The following CTSB variants were observed in gnomAD, a reference collection of about 807,000 sequenced individuals.
CTSB encodes cathepsin B, also known as APP secretase.
Under a neutral mutation model 44.3 loss-of-function variants are expected in CTSB, and 57 were observed. That is an observed-to-expected ratio of 1.29 (90% CI 1.04 to 1.60). The LOEUF (loss-of-function observed/expected upper bound fraction) is 1.60, where lower values mean the gene tolerates loss of function less well. CTSB is among the 40% of genes most tolerant of loss of function. CTSB has a pLI of 0.00. For synonymous variants in CTSB, 320 were observed against 168.0 expected, an observed-to-expected ratio of 1.91 and a Z score of -7.00; for missense variants, 768 against 443.0, an observed-to-expected ratio of 1.73 and a Z score of -6.59.
intron 1 of CTSB, among the ~76,000 whole-genome samples, chr8:11,859,869 T>A (rs1586180989): frequency 6.7e-6 from 1 of 149,816 alleles, no homozygotes; most frequent in Admixed American, 6.7e-5. Context: ...GGTCAGGAGT[T>A]CAAGACCAGC....
At chr8:11,865,226 TA>T (rs1352790746) in intron 1 of CTSB, among the ~76,000 whole-genome samples, 1 of 152,120 alleles carries the variant, frequency 6.6e-6, no homozygotes, top group Non-Finnish European at 1.5e-5. Flanking sequence ...ATGTTTCCAA[TA>T]ATTTCCTTAG....
intron 5 of CTSB, chr8:11,848,834 C>T: frequency 4.1e-6 from 2 of 490,590 alleles, no homozygotes; most frequent in Non-Finnish European, 7.5e-6. Flanking sequence ...GGGATGCCAC[C>T]CCTCAGACAG....
intron 7 of CTSB, 95 bp downstream of exon 7, chr8:11,847,584 G>T (rs763347069): frequency 9.6e-5 from 131 of 1,368,148 alleles, no homozygotes; most frequent in Non-Finnish European, 1.2e-4. Flanking sequence ...GGACCCCAAG[G>T]CTCCTCAGCC....
At chr8:11,848,267 A>G in intron 5 of CTSB, 115 bp from the exon 6 acceptor site, 1 of 880,430 alleles carries the variant, frequency 1.1e-6, no homozygotes, top group Non-Finnish European at 1.9e-6. Flanking sequence ...AGCTGCAGCA[A>G]GTGGTGCGAG....
intron 8 of CTSB, 136 bp from the exon 9 acceptor site, chr8:11,845,925 T>G: frequency 2.0e-6 from 2 of 1,024,744 alleles, no homozygotes; most frequent in Non-Finnish European, 2.7e-6. Context: ...ACCAGGAGGC[T>G]CCAGGGGGGG....
At chr8:11,850,001 G>C (rs918651574) in intron 4 of CTSB, 7 of 152,372 alleles carry the variant, frequency 4.6e-5, no homozygotes, top group African/African-American at 1.7e-4. Context: ...GGCTTACCAG[G>C]GGCTACAATA....
chr8:11,865,577 G>C (rs148713516), intron 1 of CTSB: 4 of 148,796 alleles, frequency 2.7e-5, no homozygotes, highest in Non-Finnish European at 5.9e-5. Flanking sequence ...GAGAGAGTCA[G>C]ACTCCACCTC....
At chr8:11,859,299 C>CGT (rs1816007390) in intron 1 of CTSB, among the ~76,000 whole-genome samples, 5 of 152,094 alleles carry the variant, frequency 3.3e-5, no homozygotes, top group African/African-American at 1.2e-4. Context: ...CCCCGGCAAA[C>CGT]GGCACCCTAG....
At chr8:11,845,531 G>A (rs925840357) in intron 9 of CTSB, 130 bp downstream of exon 9, 6 of 1,143,894 alleles carry the variant, frequency 5.2e-6, no homozygotes, top group South Asian at 4.8e-5. Context: ...TGGCACTTAG[G>A]AGGAGCTCAC....
At chr8:11,847,449 G>T (rs879444787) in intron 7 of CTSB, among the ~76,000 whole-genome samples, 1 of 152,200 alleles carries the variant, frequency 6.6e-6, no homozygotes, top group African/African-American at 2.4e-5. Flanking sequence ...TAAAAGGAGG[G>T]CTTTGGTCCC....
At chr8:11,867,926 C>G (rs1260511659) in intron 1 of CTSB, 75 bp downstream of exon 1, 1 of 152,172 alleles carries the variant, frequency 6.6e-6, no homozygotes, top group Admixed American at 6.5e-5. Context: ...CAGAGGAACC[C>G]GTCTCGGCGG....
At chr8:11,860,117 C>T (rs1373553364) in intron 1 of CTSB, among the ~76,000 whole-genome samples, 1 of 152,112 alleles carries the variant, frequency 6.6e-6, no homozygotes, top group Non-Finnish European at 1.5e-5. Flanking sequence ...GGTCACAGAG[C>T]CCTCAGGTAG....
In CTSB at chr8:11,845,860, C is replaced by T. The variant is rs578202626; in HGVS notation, c.794-71G>A. 3.4e-6 allele frequency: 5 copies of T among 1,488,370 alleles called. No homozygotes were observed. The East Asian group carries it at 9.9e-5, about 29-fold the overall frequency. 92.2% of individuals were successfully genotyped at this position (1,488,370 alleles called of 1,614,324 possible). On this transcript the variant is annotated intron_variant, in intron 8 of 9. Coordinates refer to ENST00000353047, the MANE Select transcript of CTSB (RefSeq NM_001908.5). ...CACGCCCCACAGCACCCCCCACACTCAGCTGGTCATGCTCCGGGAAGGAGA... is the reference window on the plus strand; with the variant it reads ...CACGCCCCACAGCACCCCCCACACTTAGCTGGTCATGCTCCGGGAAGGAGA...
chr8:11,845,610 G>C (rs781750534), intron 9 of CTSB, 51 bp downstream of exon 9: 23 of 1,591,330 alleles, frequency 1.4e-5, no homozygotes, highest in South Asian at 4.5e-5. Flanking sequence ...GATGGCCACG[G>C]GGTGTGGCTC....
rs1813019336 is a variant in CTSB at position 11,845,135 on chromosome 8, T to G, written c.1010A>C (p.Glu337Ala). Reference sequence around the variant, plus strand: ...CAGGCCCACGGCAGATTAGATCTTTTCCCAGTACTGATCGGTGCGTGGAAT... The same window carrying G: ...CAGGCCCACGGCAGATTAGATCTTTGCCCAGTACTGATCGGTGCGTGGAAT... ...AGIPRTDQYW[E>A]KI Residue 337 changes from glutamate to alanine, a missense_variant, in exon 10 of 10, where the codon GAA becomes GCA. By Grantham distance (107) the Glu-to-Ala change is moderately radical. Transcript: ENST00000353047. The G allele has an allele frequency of 6.2e-7, 1 of 1,612,560 alleles. No individual in the cohort carries two copies. Among genetic ancestry groups the G allele is most frequent in the East Asian group, 2.2e-5 (1 of 44,896 alleles).
In CTSB at chr8:11,844,967, T is replaced by C. The variant is rs940795784; in HGVS notation, c.*158A>G. On this transcript the variant is annotated 3_prime_UTR_variant, in exon 10 of 10. Coordinates refer to ENST00000353047, the MANE Select transcript of CTSB (RefSeq NM_001908.5). ...TGCACTGTAACCACAGGCTGGGATG[T>C]AGCCAGGACTTGGTCTCCTTGGAAG... 1.5e-5 allele frequency: 9 copies of C among 617,850 alleles called. No individual in the cohort carries two copies. The highest frequency in any genetic ancestry group is 2.6e-5 in the Admixed American group (1 of 37,766). 38.3% of individuals were successfully genotyped at this position (617,850 alleles called of 1,614,324 possible).
At chr8:11,865,242 G>T (rs1408657659) in intron 1 of CTSB, among the ~76,000 whole-genome samples, 5 of 152,110 alleles carry the variant, frequency 3.3e-5, no homozygotes, top group Middle Eastern at 3.2e-3. Context: ...CCTTAGGCCA[G>T]ACCATTGAAA....
At position 11,850,756 on chromosome 8, in the gene CTSB, TTTCTATAACTTGCCTTGTCA is replaced by T. The variant is rs1227371039; in HGVS notation, c.327+90_327+109del. The T allele has an allele frequency of 3.9e-4, 255 of 656,722 alleles. 1 individual carries two copies. In the East Asian group the frequency reaches 5.7e-3, roughly 15 times the overall value. 40.7% of individuals were successfully genotyped at this position (656,722 alleles called of 1,614,324 possible). A position where few individuals can be genotyped will look rare whatever the true frequency, so the allele number is the denominator to read the frequency against. Reference sequence around the variant, plus strand: ...CTGATGGAAACTGGGACTCAGAAAGTTTCTATAACTTGCCTTGTCAGAGTTGTCCCCACCCCGAATCCCCC... The same window carrying T: ...CTGATGGAAACTGGGACTCAGAAAGTGAGTTGTCCCCACCCCGAATCCCCC... On this transcript the variant is annotated intron_variant, in intron 4 of 9. Coordinates refer to ENST00000353047, the MANE Select transcript of CTSB (RefSeq NM_001908.5).
intron 9 of CTSB, 125 bp downstream of exon 9, chr8:11,845,536 G>T: frequency 8.3e-7 from 1 of 1,198,072 alleles, no homozygotes; most frequent in Non-Finnish European, 1.2e-6. Context: ...CTTAGGAGGA[G>T]CTCACAGCCT....
Sources: gnomAD v4.1 joint callset for allele counts (sites outside exome capture counted in the v4.1 genomes callset) on GRCh38, gnomAD v4.1.1 for gene constraint, MANE v1.5 for transcripts, NCBI Gene and HGNC (gene_info 2026-07-23, HGNC 2026-07-21) for gene names.